Variants in ZRANB3 observed in about 807,000 individuals in gnomAD.
ZRANB3 encodes DNA annealing helicase and endonuclease ZRANB3.
Under a neutral mutation model 133.8 loss-of-function variants are expected in ZRANB3, and 125 were observed. The ratio of observed to expected loss-of-function variants is 0.93; its 90% CI spans 0.81 to 1.08. ZRANB3 has a LOEUF of 1.08. ZRANB3 is among the 50% of genes least tolerant of loss of function. The probability of loss-of-function intolerance (pLI) is 0.00; values close to 1 mark genes in which losing one functional copy is unlikely to be tolerated. For missense variants in ZRANB3, 1,229 were observed against 1,275.5 expected (o/e 0.96, Z 0.56); for synonymous variants, 387 against 432.7 (o/e 0.89, Z 1.31).
At chr2:135,275,014 T>A (rs1680720269) in intron 9 of ZRANB3, among the ~76,000 whole-genome samples, 1 of 152,270 alleles carries the variant, frequency 6.6e-6, no homozygotes, top group South Asian at 2.1e-4. Flanking sequence ...GAGTCTCCTA[T>A]GTCTACTTCT....
rs79545254 is a variant in ZRANB3 at position 135,261,263 on chromosome 2, A to C, written c.1539+4271T>G. Among the ~76,000 whole-genome samples the C allele has an allele frequency of 3.2e-4, 49 of 152,300 alleles. No homozygotes were observed. The East Asian group carries it at 9.1e-3, about 28-fold the overall frequency. ...CGTTGGAAATGCTGAAATTCTGGCA[A>C]TGTTCAGAAGAAAAATAAGTTAATC... On this transcript the variant is annotated intron_variant, in intron 12 of 20. Transcript: ENST00000264159.
chr2:135,204,040 G>A (rs1693745124), intron 19 of ZRANB3, among the ~76,000 whole-genome samples: 1 of 152,038 alleles, frequency 6.6e-6, no homozygotes, highest in East Asian at 1.9e-4. Flanking sequence ...TCAACTTCAC[G>A]GCTGCTGGCC....
At chr2:135,350,465 T>C (rs1685154459) in intron 4 of ZRANB3, among the ~76,000 whole-genome samples, 1 of 152,228 alleles carries the variant, frequency 6.6e-6, no homozygotes, top group Non-Finnish European at 1.5e-5. Context: ...GATTTTGACA[T>C]CCAGCAAGCC....
At chr2:135,378,874 T>A (rs1455472254) in intron 3 of ZRANB3, among the ~76,000 whole-genome samples, 3 of 152,300 alleles carry the variant, frequency 2.0e-5, no homozygotes, top group Admixed American at 1.3e-4. Context: ...AAACAGTGTG[T>A]GAGAAATTGT....
intron 3 of ZRANB3, among the ~76,000 whole-genome samples, chr2:135,363,814 T>C (rs1685804383): frequency 6.6e-6 from 1 of 152,192 alleles, no homozygotes; most frequent in Admixed American, 6.5e-5. Flanking sequence ...GAAATGGACT[T>C]TTAAAATAAA....
chr2:135,208,982 A>T lies in ZRANB3; in HGVS notation c.2496-4T>A. 8 of 1,612,182 alleles carry T rather than the reference A, an allele frequency of 5.0e-6. No homozygotes were observed. The highest frequency in any genetic ancestry group is 6.8e-6 in the Non-Finnish European group (8 of 1,178,240). On this transcript the variant is annotated splice_polypyrimidine_tract_variant and splice_region_variant and intron_variant, in intron 17 of 20. Coordinates refer to ENST00000264159, the MANE Select transcript of ZRANB3 (RefSeq NM_032143.4). Reference sequence around the variant, plus strand: ...AACATCTTCTTTGGTTATGTATCTAAAACAATGATATGTTAAATAGATTCC... The same window carrying T: ...AACATCTTCTTTGGTTATGTATCTATAACAATGATATGTTAAATAGATTCC...
At chr2:135,315,305 A>G in intron 7 of ZRANB3, 54 bp downstream of exon 7, 1 of 1,373,560 alleles carries the variant, frequency 7.3e-7, no homozygotes, top group Non-Finnish European at 9.5e-7. Context: ...AATCTTTAAT[A>G]GTGTAATTCA....
intron 6 of ZRANB3, among the ~76,000 whole-genome samples, chr2:135,325,910 A>G (rs1220495078): frequency 6.6e-6 from 1 of 152,238 alleles, no homozygotes; most frequent in Non-Finnish European, 1.5e-5. Flanking sequence ...GGAAATACAG[A>G]GGACAAAGGA....
At chr2:135,406,781 C>T (rs1381006175) in intron 2 of ZRANB3, among the ~76,000 whole-genome samples, 1 of 152,126 alleles carries the variant, frequency 6.6e-6, no homozygotes, top group Non-Finnish European at 1.5e-5. Context: ...ACCCTTCATG[C>T]TAAACACTCT....
At position 135,274,429 on chromosome 2, in the gene ZRANB3, A is replaced by C. The variant is rs75286327; in HGVS notation, c.1086+1207T>G. 7.1e-3 allele frequency among the ~76,000 whole-genome samples: 1,081 copies of C among 152,308 alleles called. 10 individuals carry two copies. The highest frequency in any genetic ancestry group is 0.024 in the African/African-American group (1,011 of 41,566). ...TTGGGTACTAACATTGGCCAAGTTC[A>C]TTCTTTCTTTCCTCTCTATGTCACC... On this transcript the variant is annotated intron_variant, in intron 9 of 20. Transcript: ENST00000264159.
At chr2:135,508,282 G>A (rs1574225566) in intron 1 of ZRANB3, among the ~76,000 whole-genome samples, 1 of 152,094 alleles carries the variant, frequency 6.6e-6, no homozygotes, top group Admixed American at 6.5e-5. Context: ...GGACTACAGG[G>A]GCACGCCACC....
At chr2:135,349,725 G>A (rs1318364697) in intron 5 of ZRANB3, among the ~76,000 whole-genome samples, 4 of 150,348 alleles carry the variant, frequency 2.7e-5, no homozygotes, top group Non-Finnish European at 5.9e-5. Flanking sequence ...ATATTATAAA[G>A]TTGTACTAAA....
chr2:135,242,451 T>A (rs1387035982), intron 12 of ZRANB3, among the ~76,000 whole-genome samples: 1 of 151,604 alleles, frequency 6.6e-6, no homozygotes, highest in Non-Finnish European at 1.5e-5. Flanking sequence ...CAGTAGGTAC[T>A]TTCTTTCTTT....
At chr2:135,312,415 T>A (rs1683040303) in intron 8 of ZRANB3, among the ~76,000 whole-genome samples, 1 of 151,740 alleles carries the variant, frequency 6.6e-6, no homozygotes, top group African/African-American at 2.4e-5. Flanking sequence ...ACCTCAACAA[T>A]CCTCATCTTA....
At chr2:135,401,812 A>G (rs1687744608) in intron 2 of ZRANB3, among the ~76,000 whole-genome samples, 2 of 152,168 alleles carry the variant, frequency 1.3e-5, no homozygotes, top group Non-Finnish European at 2.9e-5. Context: ...TATTTTAGCT[A>G]TTATTATGTG....
At chr2:135,300,612 T>C (rs1264571330) in intron 8 of ZRANB3, among the ~76,000 whole-genome samples, 1 of 152,196 alleles carries the variant, frequency 6.6e-6, no homozygotes, top group Non-Finnish European at 1.5e-5. Flanking sequence ...ATCAACCCAG[T>C]TGACCAAGCA....
chr2:135,405,480 T>C (rs1404025162), intron 2 of ZRANB3, among the ~76,000 whole-genome samples: 2 of 152,132 alleles, frequency 1.3e-5, no homozygotes, highest in South Asian at 2.1e-4. Context: ...CTAATAGACA[T>C]CTACAGAACT....
At chr2:135,357,364 C>T (rs1340583832) in intron 3 of ZRANB3, among the ~76,000 whole-genome samples, 10 of 152,136 alleles carry the variant, frequency 6.6e-5, no homozygotes, top group South Asian at 4.1e-4. Flanking sequence ...GGCATGATCT[C>T]GGCTCATTGC....
intron 9 of ZRANB3, 143 bp downstream of exon 9, chr2:135,275,493 A>G (rs914275424): frequency 2.8e-5 from 15 of 538,780 alleles, no homozygotes; most frequent in Non-Finnish European, 3.8e-5. Flanking sequence ...ATATTAATAT[A>G]ATTTTCAAGA....
Sources: gnomAD v4.1 joint callset for allele counts (sites outside exome capture counted in the v4.1 genomes callset) on GRCh38, gnomAD v4.1.1 for gene constraint, MANE v1.5 for transcripts, NCBI Gene and HGNC (gene_info 2026-07-23, HGNC 2026-07-21) for gene names.